The following SYN2 variants were observed in gnomAD, a reference collection of about 807,000 sequenced individuals.
The protein encoded by SYN2 is synapsin-2.
Under a neutral mutation model 50.9 loss-of-function variants are expected in SYN2, and 19 were observed. That is an observed-to-expected ratio of 0.37 (90% CI 0.26 to 0.55). SYN2 has a LOEUF of 0.55. SYN2 is among the 20% of genes least tolerant of loss of function. The pLI is 0.81. For synonymous variants in SYN2, 255 were observed against 224.9 expected, an observed-to-expected ratio of 1.13 and a Z score of -1.20; for missense variants, 587 against 576.4, an observed-to-expected ratio of 1.02 and a Z score of -0.19.
chr3:12,116,504 C>T (rs1028785945), intron 1 of SYN2, among the ~76,000 whole-genome samples: 2 of 152,114 alleles, frequency 1.3e-5, no homozygotes, highest in Admixed American at 1.3e-4. Context: ...CTCAGAGTGG[C>T]CAGAATATCC....
intron 4 of SYN2, among the ~76,000 whole-genome samples, chr3:12,149,137 G>T (rs995879857): frequency 2.0e-5 from 3 of 152,184 alleles, no homozygotes; most frequent in Non-Finnish European, 4.4e-5. Context: ...GGCTCTGGGA[G>T]TCTGCCACAG....
chr3:12,063,378 A>G (rs1003908118), intron 1 of SYN2, among the ~76,000 whole-genome samples: 2 of 152,052 alleles, frequency 1.3e-5, no homozygotes, highest in Non-Finnish European at 2.9e-5. Context: ...CTGTAAGATT[A>G]AAGGCAAAAG....
intron 1 of SYN2, among the ~76,000 whole-genome samples, chr3:12,089,116 A>G (rs1270936839): frequency 6.6e-6 from 1 of 152,224 alleles, no homozygotes; most frequent in Non-Finnish European, 1.5e-5. Context: ...AAGACATCAC[A>G]TTGTATTCCA....
chr3:12,051,143 A>G (rs1227928399), intron 1 of SYN2, among the ~76,000 whole-genome samples: 2 of 152,212 alleles, frequency 1.3e-5, no homozygotes, highest in Non-Finnish European at 2.9e-5. Context: ...TAAGAATCCT[A>G]GTCTTTTGAC....
chr3:12,129,408 A>C (rs1321493226), intron 1 of SYN2, among the ~76,000 whole-genome samples: 1 of 152,232 alleles, frequency 6.6e-6, no homozygotes, highest in Non-Finnish European at 1.5e-5. Context: ...GAAGTAAAAG[A>C]GCCCAAGTTC....
At chr3:12,152,639 C>T (rs1697333488) in intron 5 of SYN2, among the ~76,000 whole-genome samples, 1 of 152,138 alleles carries the variant, frequency 6.6e-6, no homozygotes, top group Non-Finnish European at 1.5e-5. Context: ...GAAATTTGCC[C>T]TCAAGAGAGG....
intron 1 of SYN2, among the ~76,000 whole-genome samples, chr3:12,021,666 T>C (rs975209020): frequency 6.6e-6 from 1 of 152,220 alleles, no homozygotes; most frequent in Non-Finnish European, 1.5e-5. Flanking sequence ...TGATTTTAAA[T>C]GGGCTATTCA....
In SYN2 at chr3:12,050,711, CTTTTTTTTTTTTTTTTTT is replaced by C. The variant is rs57099569; in HGVS notation, c.377+45801_377+45818del. ...AATAATCTCATCTTTCTTCTCTTCT[CTTTTTTTTTTTTTTTTTT>C]TTTTTTTTTTTTTTTTTGAGACGGA... On this transcript the variant is annotated intron_variant, in intron 1 of 12. Transcript: ENST00000621198. Among the ~76,000 whole-genome samples, 207 of 50,580 alleles carry C rather than the reference CTTTTTTTTTTTTTTTTTT, an allele frequency of 4.1e-3. 1 individual carries two copies. The highest frequency in any genetic ancestry group is 6.4e-3 in the Non-Finnish European group (139 of 21,574). The allele number at this position is 50,580 out of a possible 152,430, so 33.2% of individuals were successfully genotyped here.
chr3:12,191,080 A>C lies in SYN2; in HGVS notation c.*455A>C. ...CTTCCCCAAAAGTACTCTTGGCCCT[A>C]AGTTTTAGGAACTTTCCCCGACCTG... On this transcript the variant is annotated 3_prime_UTR_variant, in exon 13 of 13. Coordinates refer to ENST00000621198, the MANE Select transcript of SYN2 (RefSeq NM_133625.6). The C allele has an allele frequency of 1.1e-5, 11 of 986,586 alleles. No homozygotes were observed. The highest frequency in any genetic ancestry group is 1.3e-5 in the Non-Finnish European group (11 of 830,832). 61.1% of individuals were successfully genotyped at this position (986,586 alleles called of 1,614,324 possible).
At chr3:12,132,801 A>AT (rs968433328) in intron 1 of SYN2, among the ~76,000 whole-genome samples, 1 of 152,158 alleles carries the variant, frequency 6.6e-6, no homozygotes, top group South Asian at 2.1e-4. Flanking sequence ...GATAACTAAC[A>AT]TTTTTTTACC....
At chr3:12,128,555 G>A (rs1696721964) in intron 1 of SYN2, among the ~76,000 whole-genome samples, 1 of 151,938 alleles carries the variant, frequency 6.6e-6, no homozygotes, top group South Asian at 2.1e-4. Flanking sequence ...GAAGGCTGAG[G>A]GAATATTATC....
intron 1 of SYN2, among the ~76,000 whole-genome samples, chr3:12,006,507 A>AC (rs1326642519): frequency 6.6e-6 from 1 of 152,112 alleles, no homozygotes; most frequent in Non-Finnish European, 1.5e-5. Context: ...CAAATGCTGT[A>AC]CTCTCAGCAT....
In SYN2 at chr3:12,191,971, G is replaced by A. The variant is rs996726761; in HGVS notation, c.*1346G>A. ...TCAAGTATATTTTCCCAAAGACCAC[G>A]GATGCTGTGAAGATAAACACTACAT... On this transcript the variant is annotated 3_prime_UTR_variant, in exon 13 of 13. Transcript: ENST00000621198. Among the ~76,000 whole-genome samples, 1 of 152,114 alleles carries A rather than the reference G, an allele frequency of 6.6e-6. No individual in the cohort carries two copies.
chr3:12,070,889 A>G (rs914257690), intron 1 of SYN2: 30 of 567,482 alleles, frequency 5.3e-5, no homozygotes, highest in African/African-American at 9.4e-5. Context: ...AAGCCGTGCT[A>G]TGTTGCCCTG....
At chr3:12,186,442 G>A (rs1267209970) in intron 11 of SYN2, among the ~76,000 whole-genome samples, 2 of 152,204 alleles carry the variant, frequency 1.3e-5, no homozygotes, top group African/African-American at 4.8e-5. Context: ...CATGCTGGGA[G>A]GAGGGTGTGC....
At chr3:12,093,859 A>T (rs1420167534) in intron 1 of SYN2, among the ~76,000 whole-genome samples, 8 of 144,100 alleles carry the variant, frequency 5.6e-5, no homozygotes, top group South Asian at 2.2e-4. Flanking sequence ...CTGCCCTGCA[A>T]TTTTTTTTTT....
intron 1 of SYN2, among the ~76,000 whole-genome samples, chr3:12,065,500 A>G (rs1407955684): frequency 6.6e-6 from 1 of 152,222 alleles, no homozygotes; most frequent in Non-Finnish European, 1.5e-5. Context: ...CATATATACT[A>G]TGAAATACTA....
chr3:12,067,889 T>C (rs1038129676), intron 1 of SYN2, among the ~76,000 whole-genome samples: 4 of 152,124 alleles, frequency 2.6e-5, no homozygotes, highest in African/African-American at 7.2e-5. Flanking sequence ...GGCAAAACCC[T>C]GTCTCTACAA....
intron 1 of SYN2, among the ~76,000 whole-genome samples, chr3:12,053,101 T>C (rs1165596514): frequency 2.0e-5 from 3 of 152,126 alleles, no homozygotes; most frequent in Admixed American, 2.0e-4. Flanking sequence ...GATCATACAT[T>C]GAATTACTTT....
Sources: allele counts gnomAD v4.1 joint callset (sites outside exome capture counted in the v4.1 genomes callset), GRCh38; gene constraint gnomAD v4.1.1; transcripts MANE v1.5; gene names NCBI Gene and HGNC (gene_info 2026-07-23, HGNC 2026-07-21).